The following BID variants were observed in gnomAD, a reference collection of about 807,000 sequenced individuals.
The protein encoded by BID is BH3 interacting domain death agonist.
In BID, 19 loss-of-function variants were observed where a neutral mutation model predicts 17.4. The ratio of observed to expected loss-of-function variants is 1.09; its 90% CI spans 0.76 to 1.60. The LOEUF is 1.60. Among genes scored for constraint, BID ranks in the 40% most tolerant of loss-of-function variants. The pLI is 0.00. For missense variants in BID, 226 were observed against 256.0 expected (o/e 0.88, Z 0.80); for synonymous variants, 108 against 102.8 (o/e 1.05, Z -0.31).
chr22:17,755,799 C>CA (rs72491085), intron 1 of BID, among the ~76,000 whole-genome samples: 66 of 135,922 alleles, frequency 4.9e-4, no homozygotes, highest in African/African-American at 1.4e-3. Flanking sequence ...AACTCCGTCT[C>CA]AAAAAAAAAA....
At chr22:17,740,137 G>A (rs750685477) in intron 3 of BID, 16 of 1,612,230 alleles carry the variant, frequency 9.9e-6, no homozygotes, top group Admixed American at 1.7e-5. Flanking sequence ...TGCCGCCTCC[G>A]TTTCTTCCTC....
intron 1 of BID, among the ~76,000 whole-genome samples, chr22:17,756,329 C>A (rs1308267925): frequency 6.6e-6 from 1 of 152,268 alleles, no homozygotes; most frequent in Non-Finnish European, 1.5e-5. Context: ...CTGGGCCCAA[C>A]AGCCACAAGG....
At chr22:17,742,294 A>T (rs910831180) in intron 3 of BID, among the ~76,000 whole-genome samples, 3 of 152,132 alleles carry the variant, frequency 2.0e-5, no homozygotes, top group African/African-American at 7.2e-5. Flanking sequence ...CGAGAGAAAA[A>T]CACCAGGGCA....
At chr22:17,753,175 C>T (rs968142572) in intron 1 of BID, among the ~76,000 whole-genome samples, 1 of 151,694 alleles carries the variant, frequency 6.6e-6, no homozygotes, top group Non-Finnish European at 1.5e-5. Context: ...ACCGTGTTAG[C>T]CAGGATGGTC....
intron 3 of BID, 97 bp downstream of exon 3, chr22:17,743,706 G>T: frequency 7.7e-7 from 1 of 1,290,440 alleles, no homozygotes; most frequent in Non-Finnish European, 1.1e-6. Flanking sequence ...CAGAGGCAGA[G>T]TGATCCCGGG....
At chr22:17,744,076 G>A in intron 2 of BID, 63 bp from the exon 3 acceptor site, 2 of 1,438,100 alleles carry the variant, frequency 1.4e-6, no homozygotes, top group Non-Finnish European at 1.9e-6. Context: ...CTCCTGCAAA[G>A]AGCTCCAGTT....
intron 1 of BID, among the ~76,000 whole-genome samples, chr22:17,767,675 A>G (rs1205206552): frequency 1.3e-5 from 2 of 152,262 alleles, no homozygotes; most frequent in African/African-American, 4.8e-5. Flanking sequence ...ACCAATGCTC[A>G]ATCACTGATG....
chr22:17,758,326 T>C (rs1325080051), intron 1 of BID, among the ~76,000 whole-genome samples: 1 of 152,162 alleles, frequency 6.6e-6, no homozygotes, highest in African/African-American at 2.4e-5. Context: ...AATACGGCAT[T>C]CCAGGGAAGG....
intron 5 of BID, 131 bp downstream of exon 5, chr22:17,737,886 C>A: frequency 1.0e-6 from 1 of 992,494 alleles, no homozygotes; most frequent in Non-Finnish European, 1.5e-6. Flanking sequence ...ACAGCAAAAC[C>A]AAACCCGAGC....
chr22:17,754,655 T>C (rs557376939), intron 1 of BID, among the ~76,000 whole-genome samples: 2 of 152,378 alleles, frequency 1.3e-5, no homozygotes, highest in African/African-American at 4.8e-5. Context: ...GGGCCAGATA[T>C]CTGCAGGGCA....
rs564610371 is a variant in BID, at chr22:17,740,255, C to T, written c.224-767G>A. 3.1e-6 allele frequency: 4 copies of T among 1,281,154 alleles called. No homozygotes were observed. In the Admixed American group the frequency reaches 7.8e-5, roughly 25 times the overall value. 79.4% of individuals were successfully genotyped at this position (1,281,154 alleles called of 1,614,324 possible). ...ACTGACAAATACCCAGCACTTAATA[C>T]ATGGCACTCAGTAGGTGCTCAATAA... On this transcript the variant is annotated intron_variant, in intron 3 of 5. Coordinates refer to ENST00000622694, the MANE Select transcript of BID (RefSeq NM_001196.4).
chr22:17,743,884 C>T lies in BID; in HGVS notation c.142G>A (p.Ala48Thr), dbSNP rs1199515354. ...DALGHELPVL[A>T]PQWEGYDELQ... The stretch of plus-strand genomic sequence containing the variant: ...TCATCGTAGCCCTCCCACTGGGGAG[C>T]CAGCACTGGCAGCTCGTGGCCCAGT... The change falls in exon 3 of 6, where the codon GCT becomes ACT. Residue 48 changes from alanine (A) to threonine (T), a missense_variant. Transcript: ENST00000622694. 1 of 1,613,460 alleles carries T rather than the reference C, an allele frequency of 6.2e-7. No homozygotes were observed. Among genetic ancestry groups the T allele is most frequent in the African/African-American group, 1.3e-5 (1 of 74,938 alleles).
intron 3 of BID, chr22:17,740,076 G>A (rs771570679): frequency 5.1e-5 from 82 of 1,610,944 alleles, no homozygotes; most frequent in Non-Finnish European, 6.1e-5. Context: ...GCCCCTGCCC[G>A]AGTACCACTG....
In BID at chr22:17,769,334, G is replaced by T. The variant is rs2061702782; in HGVS notation, c.-59+5047C>A. On this transcript the variant is annotated intron_variant, in intron 1 of 5. Coordinates refer to ENST00000622694, the MANE Select transcript of BID (RefSeq NM_001196.4). The surrounding 1 kb of genome is among the most constrained non-coding windows in gnomAD (Gnocchi z 4.8). ...CCTAGCTGGGCTCCCTGCTCAGTTG[G>T]CCGGGTTTGGGGCTGGATGTCTGCA... 6.6e-6 allele frequency among the ~76,000 whole-genome samples: 1 copy of T among 152,254 alleles called. No homozygotes were observed. The highest frequency in any genetic ancestry group is 6.5e-5 in the Admixed American group (1 of 15,294).
intron 1 of BID, among the ~76,000 whole-genome samples, chr22:17,760,796 G>A (rs2061632586): frequency 6.6e-6 from 1 of 152,114 alleles, no homozygotes; most frequent in Admixed American, 6.5e-5. Flanking sequence ...TTCCCACATG[G>A]GGAACATCAG....
intron 2 of BID, among the ~76,000 whole-genome samples, chr22:17,746,722 G>A (rs531823378): frequency 2.1e-4 from 32 of 152,316 alleles, no homozygotes; most frequent in African/African-American, 5.8e-4. Context: ...GTAAGAGAAA[G>A]GAGAGGGAGA....
chr22:17,759,260 C>CAAAAAAAAAA (rs2061618787), intron 1 of BID, among the ~76,000 whole-genome samples: 1 of 72,710 alleles, frequency 1.4e-5, no homozygotes, highest in African/African-American at 4.6e-5. Context: ...AAAAAAAAAA[C>CAAAAAAAAAA]AAAAGAACCA....
rs981909996 is a variant in BID at position 17,735,050 on chromosome 22, G to A, written c.*530C>T. 6.6e-6 allele frequency: 1 copy of A among 151,608 alleles called. No individual in the cohort carries two copies. Among genetic ancestry groups the A allele is most frequent in the African/African-American group, 2.4e-5 (1 of 41,384 alleles). The allele number at this position is 151,608 out of a possible 1,614,324, so 9.4% of individuals were successfully genotyped here. A position where few individuals can be genotyped will look rare whatever the true frequency, so the allele number is the denominator to read the frequency against. ...ATGTGGTTTTTTAAACAGGAAGATT[G>A]TTGGTTCCTTAGTATTAAGATAGAT... On this transcript the variant is annotated 3_prime_UTR_variant, in exon 6 of 6. Coordinates refer to ENST00000622694, the MANE Select transcript of BID (RefSeq NM_001196.4).
At chr22:17,758,092 T>C (rs1288955240) in intron 1 of BID, among the ~76,000 whole-genome samples, 3 of 152,200 alleles carry the variant, frequency 2.0e-5, no homozygotes, top group Non-Finnish European at 4.4e-5. Flanking sequence ...TGGGGGGTCC[T>C]TGAAGGTAAC....
Sources: gnomAD v4.1 joint callset for allele counts (sites outside exome capture counted in the v4.1 genomes callset) on GRCh38, gnomAD v4.1.1 for gene constraint, Gnocchi (gnomAD v3.1) non-coding constraint, MANE v1.5 for transcripts, NCBI Gene and HGNC (gene_info 2026-07-23, HGNC 2026-07-21) for gene names.